PARP1: variants seen among roughly 807,000 people sequenced by gnomAD.
The protein encoded by PARP1 is poly [ADP-ribose] polymerase 1.
PARP1 carries 44 observed loss-of-function variants against 118.7 expected under a neutral mutation model. The observed-to-expected ratio is 0.37, with a 90% CI of 0.29 to 0.48. The LOEUF is 0.48. Ranked by LOEUF, PARP1 falls within the 20% of genes least tolerant of loss-of-function variation. PARP1 has a pLI of 0.99. For synonymous variants in PARP1, 492 were observed against 483.2 expected (o/e 1.02, Z -0.24); for missense variants, 1,100 against 1,272.4 (o/e 0.86, Z 2.06).
At chr1:226,367,389 T>C in intron 17 of PARP1, 91 bp downstream of exon 17, 3 of 1,496,958 alleles carry the variant, frequency 2.0e-6, no homozygotes, top group Non-Finnish European at 2.8e-6. Flanking sequence ...TTTAACAAGC[T>C]TTCCAGGAGA....
At position 226,385,566 on chromosome 1, in the gene PARP1, C is replaced by G. The variant is rs1392242492; in HGVS notation, c.949G>C (p.Ala317Pro). 5.0e-6 allele frequency: 8 copies of G among 1,614,050 alleles called. No individual in the cohort carries two copies. Among genetic ancestry groups the G allele is most frequent in the Middle Eastern group, 1.6e-4 (1 of 6,082 alleles). ...GTCTTGACCATACACTTGGTCCAGG[C>G]AGTGACGTCCCCAGTGCAGTAATAG... ...DAYYCTGDVT[A>P]WTKCMVKTQT... Residue 317 changes from alanine to proline, a missense_variant, in exon 7 of 23, where the codon GCC (alanine) becomes CCC (proline). Transcript: ENST00000366794.
chr1:226,391,405 C>T (rs1664817474), intron 3 of PARP1, among the ~76,000 whole-genome samples: 1 of 152,116 alleles, frequency 6.6e-6, no homozygotes, highest in African/African-American at 2.4e-5. Flanking sequence ...CCTGATATTC[C>T]CAGGAGAGTT....
chr1:226,370,517 T>C lies in PARP1; in HGVS notation c.2071A>G (p.Ile691Val). 6.2e-7 allele frequency: 1 copy of C among 1,612,906 alleles called. No individual in the cohort carries two copies. Among genetic ancestry groups the C allele is most frequent in the Non-Finnish European group, 8.5e-7 (1 of 1,178,962 alleles). Residue 691 changes from isoleucine to valine, a missense_variant and splice_region_variant, in exon 15 of 23, where the codon ATC becomes GTC. Transcript: ENST00000366794. ...SMKKAMVEYE[I>V]DLQKMPLGKL... Reference sequence around the variant, plus strand: ...CCCAAGGGCATCTTCTGAAGGTCGATCTGAGGAGACAGGGGATTTCGCTCT... The same window carrying C: ...CCCAAGGGCATCTTCTGAAGGTCGACCTGAGGAGACAGGGGATTTCGCTCT...
chr1:226,385,690 G>C lies in PARP1; in HGVS notation c.835-10C>G, dbSNP rs1354259372. Reference sequence around the variant, plus strand: ...CTACTCGGTCCAAGATCTGCAGCCAGTGGAGAAACATGTCAGAGGGCAAAT... The same window carrying C: ...CTACTCGGTCCAAGATCTGCAGCCACTGGAGAAACATGTCAGAGGGCAAAT... On this transcript the variant is annotated splice_polypyrimidine_tract_variant and intron_variant, in intron 6 of 22. Transcript: ENST00000366794. The C allele has an allele frequency of 6.2e-7, 1 of 1,613,720 alleles. No individual in the cohort carries two copies. Among genetic ancestry groups the C allele is most frequent in the African/African-American group, 1.3e-5 (1 of 74,916 alleles).
At chr1:226,364,440 T>C in intron 19 of PARP1, 1 of 342,980 alleles carries the variant, frequency 2.9e-6, no homozygotes, top group Non-Finnish European at 5.8e-6. Context: ...TATTCCCTTT[T>C]GTAAATGAAA....
rs1664695746 is a variant in PARP1 at position 226,385,435 on chromosome 1, TA to T, written c.1011+68del. ...CCTGCAATCTCAGGGACCTGAAGTA[TA>T]AACAAGCGCAGAAAGTGGGGCCAGG... On this transcript the variant is annotated intron_variant, in intron 7 of 22. Transcript: ENST00000366794. 2.2e-6 allele frequency: 3 copies of T among 1,377,778 alleles called. No homozygotes were observed. In the Admixed American group the frequency reaches 5.1e-5, roughly 23 times the overall value. 85.3% of individuals were successfully genotyped at this position (1,377,778 alleles called of 1,614,324 possible). A position where few individuals can be genotyped will look rare whatever the true frequency, so the allele number is the denominator to read the frequency against.
chr1:226,379,446 C>A (rs1664560181), intron 11 of PARP1, 127 bp downstream of exon 11: 3 of 1,139,804 alleles, frequency 2.6e-6, no homozygotes, highest in Non-Finnish European at 4.0e-6. Flanking sequence ...GTGAAGGAGG[C>A]CTGAGTGAGG....
At chr1:226,389,221 G>C (rs1334375723) in intron 4 of PARP1, among the ~76,000 whole-genome samples, 3 of 152,164 alleles carry the variant, frequency 2.0e-5, no homozygotes, top group Non-Finnish European at 2.9e-5. Context: ...AAAACACAGA[G>C]CAAGGGAAAG....
intron 1 of PARP1, among the ~76,000 whole-genome samples, chr1:226,403,937 T>C (rs1263488955): frequency 6.6e-6 from 1 of 152,244 alleles, no homozygotes; most frequent in African/African-American, 2.4e-5. Flanking sequence ...GGTACCCCAC[T>C]ATCTCTCTCC....
At chr1:226,386,637 T>C (rs186883401) in intron 5 of PARP1, among the ~76,000 whole-genome samples, 195 bp from the exon 6 acceptor site, 3 of 152,308 alleles carry the variant, frequency 2.0e-5, no homozygotes, top group Admixed American at 1.3e-4. Context: ...ACCTGCTGTG[T>C]GGTCTCTCAG....
intron 6 of PARP1, 50 bp downstream of exon 6, chr1:226,386,276 G>T: frequency 9.1e-7 from 1 of 1,095,266 alleles, no homozygotes; most frequent in South Asian, 1.2e-5. Flanking sequence ...ACTCCACAAC[G>T]ACGGGGTCGG....
chr1:226,403,839 C>G (rs748467112), intron 1 of PARP1, among the ~76,000 whole-genome samples: 16 of 152,298 alleles, frequency 1.1e-4, no homozygotes, highest in Non-Finnish European at 1.5e-4. Flanking sequence ...TGCAATAAGA[C>G]TATTAAAACA....
chr1:226,389,813 C>T (rs2102740666), intron 4 of PARP1, among the ~76,000 whole-genome samples: 1 of 152,280 alleles, frequency 6.6e-6, no homozygotes, highest in East Asian at 1.9e-4. Flanking sequence ...CCCTGGTGTG[C>T]TTGTTAACAA....
chr1:226,372,066 G>GCTGCAGCCTGGAACC (rs1252939315), intron 14 of PARP1, among the ~76,000 whole-genome samples: 3 of 152,200 alleles, frequency 2.0e-5, no homozygotes, highest in Non-Finnish European at 4.4e-5. Context: ...GGCTTCTAGG[G>GCTGCAGCCTGGAACC]CTGCAGCCTG....
At chr1:226,405,644 C>G (rs1009966622) in intron 1 of PARP1, among the ~76,000 whole-genome samples, 1 of 152,140 alleles carries the variant, frequency 6.6e-6, no homozygotes, top group Non-Finnish European at 1.5e-5. Flanking sequence ...TTTCCTCCAT[C>G]CGGCCTCCCC....
intron 13 of PARP1, 124 bp from the exon 14 acceptor site, chr1:226,374,478 G>A: frequency 9.0e-7 from 1 of 1,110,242 alleles, no homozygotes; most frequent in South Asian, 1.3e-5. Flanking sequence ...AAAAAGCTGA[G>A]TGTTAATCAA....
At position 226,402,332 on chromosome 1, in the gene PARP1, G is replaced by A. The variant is rs1392676068; in HGVS notation, c.168C>T (p.Cys56=). The part of the protein sequence containing the change: ...GKVPHWYHFS[C]FWKVGHSIRH... ...GGATGGAGTGGCCCACCTTCCAGAA[G>A]CAGGAGAAGTGGTACCAGTGTGGGA... The change falls in exon 2 of 23, where the codon TGC becomes TGT. Residue 56 remains cysteine (C), a synonymous_variant. Coordinates refer to ENST00000366794, the MANE Select transcript of PARP1 (RefSeq NM_001618.4). The A allele has an allele frequency of 1.2e-6, 2 of 1,613,958 alleles. No individual in the cohort carries two copies. Among genetic ancestry groups the A allele is most frequent in the Non-Finnish European group, 8.5e-7 (1 of 1,180,042 alleles).
At chr1:226,403,689 T>G (rs1665083547) in intron 1 of PARP1, among the ~76,000 whole-genome samples, 1 of 152,146 alleles carries the variant, frequency 6.6e-6, no homozygotes, top group South Asian at 2.1e-4. Flanking sequence ...AATGAATGAT[T>G]TGACACTATG....
At chr1:226,390,886 C>T (rs970797251) in intron 3 of PARP1, among the ~76,000 whole-genome samples, 6 of 152,146 alleles carry the variant, frequency 3.9e-5, no homozygotes, top group Non-Finnish European at 8.8e-5. Flanking sequence ...TGAAGAATTG[C>T]TAACATTCCC....
Sources: gnomAD v4.1 joint callset for allele counts (sites outside exome capture counted in the v4.1 genomes callset) on GRCh38, gnomAD v4.1.1 for gene constraint, MANE v1.5 for transcripts, NCBI Gene and HGNC (gene_info 2026-07-23, HGNC 2026-07-21) for gene names.